ARL15: variants seen among roughly 807,000 people sequenced by gnomAD.
ARL15 encodes the protein ADP-ribosylation factor-like protein 15.
Under a neutral mutation model 25.2 loss-of-function variants are expected in ARL15, and 19 were observed. That is an observed-to-expected ratio of 0.75 (90% CI 0.53 to 1.10). ARL15 has a LOEUF of 1.10. Ranked by LOEUF, ARL15 falls within the 50% of genes least tolerant of loss-of-function variation. The probability of loss-of-function intolerance (pLI) is 0.00; values close to 1 mark genes in which losing one functional copy is unlikely to be tolerated. For synonymous variants in ARL15, 94 were observed against 86.8 expected (o/e 1.08, Z -0.46); for missense variants, 220 against 246.0 (o/e 0.89, Z 0.71).
chr5:53,980,330 G>T lies in ARL15; in HGVS notation c.463-93617C>A, dbSNP rs575286301. Among the ~76,000 whole-genome samples, 472 of 152,300 alleles carry T rather than the reference G, an allele frequency of 3.1e-3. 2 individuals carry two copies. The highest frequency in any genetic ancestry group is 5.0e-3 in the Non-Finnish European group (340 of 68,020). On this transcript the variant is annotated intron_variant, in intron 4 of 4. Transcript: ENST00000504924. ...TGCATTACCTTTTTTGATTCTTTAT[G>T]ATTAAGGTATTAAATTGGTGTTAGG... is the stretch of plus-strand genomic sequence containing the variant.
At chr5:53,980,753 T>A (rs1439651268) in intron 4 of ARL15, among the ~76,000 whole-genome samples, 2 of 152,188 alleles carry the variant, frequency 1.3e-5, no homozygotes, top group Non-Finnish European at 2.9e-5. Flanking sequence ...AGATAGTTCA[T>A]CTCAAATGTT....
chr5:53,907,477 T>TATATATAC (rs1554025269), intron 4 of ARL15, among the ~76,000 whole-genome samples: 6 of 32,428 alleles, frequency 1.9e-4, no homozygotes, highest in African/African-American at 8.0e-4. Flanking sequence ...TATATATATA[T>TATATATAC]ATATATATAT....
intron 2 of ARL15, among the ~76,000 whole-genome samples, chr5:54,156,374 T>C (rs1268925240): frequency 3.9e-5 from 6 of 152,204 alleles, no homozygotes; most frequent in Non-Finnish European, 5.9e-5. Flanking sequence ...ATCTACTTCA[T>C]AGGGTTGTTA....
chr5:54,010,718 T>TA (rs1561187699), intron 4 of ARL15, among the ~76,000 whole-genome samples: 5 of 152,070 alleles, frequency 3.3e-5, no homozygotes, highest in South Asian at 2.1e-4. Context: ...AAAAAAAATT[T>TA]TAAAAAAATC....
chr5:54,214,521 A>C (rs1172042709), intron 1 of ARL15, among the ~76,000 whole-genome samples: 1 of 152,060 alleles, frequency 6.6e-6, no homozygotes, highest in African/African-American at 2.4e-5. Context: ...TGTCATTTGC[A>C]CCAACATACA....
intron 3 of ARL15, 104 bp from the exon 4 acceptor site, chr5:54,113,514 T>A: frequency 9.4e-7 from 1 of 1,065,838 alleles, no homozygotes; most frequent in Non-Finnish European, 1.3e-6. Context: ...TTTTAAAAAT[T>A]AAGTGCTAAA....
chr5:54,151,371 T>C (rs1754065738), intron 3 of ARL15, among the ~76,000 whole-genome samples: 1 of 152,164 alleles, frequency 6.6e-6, no homozygotes, highest in South Asian at 2.1e-4. Context: ...TTCATTATTT[T>C]CAAAATTTTC....
chr5:54,032,219 G>A (rs79262208), intron 4 of ARL15, among the ~76,000 whole-genome samples: 1,740 of 151,888 alleles, frequency 0.011, 38 homozygotes, highest in African/African-American at 0.041. Flanking sequence ...GTTTATTCAT[G>A]GGTTTTTTTA....
chr5:54,054,420 G>A (rs1448590557), intron 4 of ARL15, among the ~76,000 whole-genome samples: 1 of 152,140 alleles, frequency 6.6e-6, no homozygotes, highest in Non-Finnish European at 1.5e-5. Flanking sequence ...ATAAACAGTG[G>A]TATAGCTTGC....
At chr5:54,102,918 C>T (rs901352009) in intron 4 of ARL15, among the ~76,000 whole-genome samples, 4 of 152,268 alleles carry the variant, frequency 2.6e-5, no homozygotes, top group South Asian at 2.1e-4. Context: ...TCCCATAAGG[C>T]TCCATTGGTT....
intron 4 of ARL15, among the ~76,000 whole-genome samples, chr5:53,996,475 T>C (rs1285116878): frequency 1.3e-5 from 2 of 152,054 alleles, no homozygotes; most frequent in Admixed American, 6.6e-5. Context: ...AAAAATTAGC[T>C]GGGCACGGTG....
intron 4 of ARL15, among the ~76,000 whole-genome samples, chr5:53,907,488 A>ATATATAT (rs1360900279): frequency 1.7e-4 from 3 of 18,012 alleles, no homozygotes; most frequent in African/African-American, 5.8e-4. Context: ...ATATATATAT[A>ATATATAT]TTTTTTTTTT....
rs533143793 is a variant in ARL15 at position 53,947,945 on chromosome 5, T to C, written c.463-61232A>G. 1.5e-3 allele frequency among the ~76,000 whole-genome samples: 225 copies of C among 152,130 alleles called. 1 individual carries two copies. Among genetic ancestry groups the C allele is most frequent in the African/African-American group, 5.3e-3 (219 of 41,520 alleles). On this transcript the variant is annotated intron_variant, in intron 4 of 4. Transcript: ENST00000504924. ...CTCCACCTTCCTCCAAAAATCTCCG[T>C]GAGTGCATTACACTACAAGATTAAA...
At chr5:54,085,084 C>T (rs373017383) in intron 4 of ARL15, among the ~76,000 whole-genome samples, 7 of 152,248 alleles carry the variant, frequency 4.6e-5, no homozygotes, top group South Asian at 2.1e-4. Flanking sequence ...CTACATTTTG[C>T]GTAAGGCTGC....
intron 1 of ARL15, among the ~76,000 whole-genome samples, chr5:54,206,757 C>T (rs900630325): frequency 1.3e-5 from 2 of 152,106 alleles, no homozygotes; most frequent in African/African-American, 2.4e-5. Context: ...AAGTAGCCGT[C>T]AGGGAAAGAG....
chr5:53,966,678 A>G (rs1482203056), intron 4 of ARL15, among the ~76,000 whole-genome samples: 1 of 152,240 alleles, frequency 6.6e-6, no homozygotes, highest in African/African-American at 2.4e-5. Flanking sequence ...ACCCACACAC[A>G]TTTGGTCAAA....
At chr5:54,039,249 TAAGA>T (rs1750259455) in intron 4 of ARL15, among the ~76,000 whole-genome samples, 1 of 151,896 alleles carries the variant, frequency 6.6e-6, no homozygotes, top group Non-Finnish European at 1.5e-5. Context: ...TTCACACTTT[TAAGA>T]AAGGGAAAAG....
intron 1 of ARL15, among the ~76,000 whole-genome samples, chr5:54,247,609 G>GAAACA (rs954523550): frequency 4.7e-5 from 7 of 148,382 alleles, no homozygotes; most frequent in Non-Finnish European, 1.0e-4. Context: ...AACACGTTTA[G>GAAACA]AAACAAAGGC....
At chr5:54,137,989 T>A (rs1404068216) in intron 3 of ARL15, among the ~76,000 whole-genome samples, 1 of 152,108 alleles carries the variant, frequency 6.6e-6, no homozygotes, top group Non-Finnish European at 1.5e-5. Flanking sequence ...TTAGAAATGG[T>A]CTGGAAAATA....
Sources: gnomAD v4.1 joint callset for allele counts (sites outside exome capture counted in the v4.1 genomes callset) on GRCh38, gnomAD v4.1.1 for gene constraint, MANE v1.5 for transcripts, NCBI Gene and HGNC (gene_info 2026-07-23, HGNC 2026-07-21) for gene names.